ESRRG: variants seen among roughly 807,000 people sequenced by gnomAD.
ESRRG encodes the protein estrogen related receptor gamma, also known as estrogen-related receptor gamma.
A neutral mutation model predicts 44.0 loss-of-function variants in ESRRG; 13 were observed. That is an observed-to-expected ratio of 0.30 (90% CI 0.19 to 0.47). The LOEUF (loss-of-function observed/expected upper bound fraction) is 0.47. Among genes scored for constraint, ESRRG ranks in the 20% least tolerant of loss-of-function variants. The pLI is 1.00. For synonymous variants in ESRRG, 215 were observed against 214.6 expected (o/e 1.00, Z -0.02); for missense variants, 395 against 580.6 (o/e 0.68, Z 3.29).
intron 2 of ESRRG, among the ~76,000 whole-genome samples, chr1:216,657,739 G>A (rs2070991913): frequency 6.6e-6 from 1 of 152,114 alleles, no homozygotes; most frequent in South Asian, 2.1e-4. Flanking sequence ...ATAATAGTTA[G>A]AGTTGGCTCT....
At chr1:216,961,565 T>A (rs533931893) in intron 1 of ESRRG, among the ~76,000 whole-genome samples, 144 of 151,372 alleles carry the variant, frequency 9.5e-4, no homozygotes, top group Admixed American at 1.3e-3. Context: ...ACTCTTATTT[T>A]TTTTTTTTTT....
chr1:216,707,357 A>G (rs1314073533), intron 1 of ESRRG: 4 of 1,535,546 alleles, frequency 2.6e-6, no homozygotes, highest in Non-Finnish European at 3.5e-6. Context: ...AATCGGGCCC[A>G]CCTTTTAGCT....
chr1:216,525,560 C>T (rs1332155741), intron 5 of ESRRG, among the ~76,000 whole-genome samples: 2 of 152,080 alleles, frequency 1.3e-5, no homozygotes, highest in South Asian at 2.1e-4. Context: ...TTTCCTACAA[C>T]CTTTATTTTT....
chr1:216,542,922 C>T (rs1013416617), intron 5 of ESRRG, among the ~76,000 whole-genome samples: 8 of 151,990 alleles, frequency 5.3e-5, no homozygotes, highest in Non-Finnish European at 1.0e-4. Context: ...TTTCTATCTC[C>T]CCCTTCCCCC....
At position 216,826,891 on chromosome 1, in the gene ESRRG, T is replaced by A. The variant is rs376697301; in HGVS notation, c.-14+112691A>T. ...GGTAAGCTCTGCAATAATCAGTTGA[T>A]CACGTGAAGTGACCTTCAGTATCTA... On this transcript the variant is annotated intron_variant, in intron 2 of 7. Transcript: ENST00000359162. 1.6e-4 allele frequency among the ~76,000 whole-genome samples: 24 copies of A among 152,322 alleles called. No individual in the cohort carries two copies. The South Asian group carries it at 4.6e-3, about 29-fold the overall frequency.
upstream of ESRRG, chr1:216,723,479 A>T: frequency 1.6e-6 from 1 of 614,388 alleles, no homozygotes; most frequent in Non-Finnish European, 2.9e-6. Context: ...GCTTATTAAT[A>T]TGAAGTAGGG....
intron 2 of ESRRG, among the ~76,000 whole-genome samples, chr1:216,758,111 T>C (rs1247332648): frequency 2.0e-5 from 3 of 152,104 alleles, no homozygotes; most frequent in Admixed American, 6.6e-5. Context: ...TTTCCTGCCA[T>C]ACCTCCTCCT....
intron 1 of ESRRG, among the ~76,000 whole-genome samples, chr1:216,962,739 TAAA>T (rs1162076250): frequency 6.6e-6 from 1 of 152,134 alleles, no homozygotes; most frequent in Non-Finnish European, 1.5e-5. Flanking sequence ...TAAAGCTTTC[TAAA>T]AAGACACTGT....
intron 2 of ESRRG, among the ~76,000 whole-genome samples, chr1:216,787,115 A>T (rs2094152397): frequency 6.6e-6 from 1 of 152,054 alleles, no homozygotes; most frequent in Non-Finnish European, 1.5e-5. Flanking sequence ...GTGATCTGTG[A>T]TCGGTGATCG....
At chr1:217,010,921 C>G (rs1369804827) in intron 1 of ESRRG, among the ~76,000 whole-genome samples, 1 of 152,162 alleles carries the variant, frequency 6.6e-6, no homozygotes, top group African/African-American at 2.4e-5. Context: ...TTACCCATCC[C>G]TTGAGACAGA....
At chr1:217,051,756 TC>T (rs1339722125) in intron 1 of ESRRG, among the ~76,000 whole-genome samples, 3 of 152,112 alleles carry the variant, frequency 2.0e-5, no homozygotes. Flanking sequence ...TATTCTGCCC[TC>T]CCATCCCCAT....
At chr1:216,672,643 G>A (rs2075399095) in intron 2 of ESRRG, among the ~76,000 whole-genome samples, 1 of 152,160 alleles carries the variant, frequency 6.6e-6, no homozygotes, top group African/African-American at 2.4e-5. Context: ...TGAGGCAGGA[G>A]GATCATTTGA....
intron 3 of ESRRG, among the ~76,000 whole-genome samples, chr1:216,584,919 G>A (rs1558649086): frequency 6.6e-6 from 1 of 152,186 alleles, no homozygotes; most frequent in Non-Finnish European, 1.5e-5. Flanking sequence ...TCTGCTAAAT[G>A]ATGGTAAGTA....
At chr1:216,896,425 C>T (rs147130147) in intron 2 of ESRRG, among the ~76,000 whole-genome samples, 21 of 152,136 alleles carry the variant, frequency 1.4e-4, no homozygotes, top group African/African-American at 4.6e-4. Context: ...TGATAGCTCA[C>T]GGAAATCGAA....
chr1:216,608,807 A>C (rs984120258), intron 3 of ESRRG, among the ~76,000 whole-genome samples: 1 of 152,242 alleles, frequency 6.6e-6, no homozygotes, highest in African/African-American at 2.4e-5. Context: ...AAGCAATCAG[A>C]TTGCATCTTG....
At chr1:216,581,216 A>T (rs1369185703) in intron 3 of ESRRG, among the ~76,000 whole-genome samples, 3 of 152,238 alleles carry the variant, frequency 2.0e-5, no homozygotes, top group Non-Finnish European at 4.4e-5. Context: ...GCTAAAGATG[A>T]CCAGATTTCA....
At chr1:216,823,928 G>T (rs1347429585) in intron 2 of ESRRG, among the ~76,000 whole-genome samples, 1 of 152,084 alleles carries the variant, frequency 6.6e-6, no homozygotes, top group African/African-American at 2.4e-5. Flanking sequence ...AGTCTGTTTT[G>T]TATATACCCT....
intron 5 of ESRRG, among the ~76,000 whole-genome samples, chr1:216,520,229 G>A (rs2045673557): frequency 6.6e-6 from 1 of 152,082 alleles, no homozygotes; most frequent in Non-Finnish European, 1.5e-5. Context: ...TTCACCTTGA[G>A]CAAGAGAAAT....
chr1:216,692,602 TAG>T (rs1303492930), intron 1 of ESRRG, among the ~76,000 whole-genome samples: 2 of 152,142 alleles, frequency 1.3e-5, no homozygotes, highest in Non-Finnish European at 2.9e-5. Context: ...CACCTAAGTG[TAG>T]AGTGTTTATA....
Sources: gnomAD v4.1 joint callset for allele counts (sites outside exome capture counted in the v4.1 genomes callset) on GRCh38, gnomAD v4.1.1 for gene constraint, MANE v1.5 for transcripts, NCBI Gene and HGNC (gene_info 2026-07-23, HGNC 2026-07-21) for gene names.